Variants in BLTP1 observed in about 807,000 individuals in gnomAD.
BLTP1 encodes the protein fragile site-associated protein.
chr4:122,239,577 G>T, the BLTP1 span: 5 of 1,613,794 alleles, frequency 3.1e-6, no homozygotes, highest in Admixed American at 5.0e-5. Context: ...TAAGTCAGTA[G>T]GTCAATCTCC....
At chr4:122,344,537 GAT>G in the BLTP1 span, 1 of 1,609,474 alleles carries the variant, frequency 6.2e-7, no homozygotes, top group Non-Finnish European at 8.5e-7. Context: ...AAGCAAAATG[GAT>G]ACTACGTTAA....
chr4:122,269,574 C>T, the BLTP1 span: 1 of 985,142 alleles, frequency 1.0e-6, no homozygotes. Context: ...TATTTGGAGA[C>T]CTTCACCGCA....
At chr4:122,239,447 T>G in the BLTP1 span, 131 of 1,232,726 alleles carry the variant, frequency 1.1e-4, no homozygotes, top group Non-Finnish European at 1.3e-4. Context: ...GGATTTTTAT[T>G]GATATTTGTT....
chr4:122,261,366 T>C, the BLTP1 span: 1 of 984,676 alleles, frequency 1.0e-6, no homozygotes, highest in South Asian at 4.7e-5. Flanking sequence ...TCTTTTGCTA[T>C]GGGTTATTAA....
At chr4:122,186,085 T>C in the BLTP1 span, 3 of 1,610,892 alleles carry the variant, frequency 1.9e-6, no homozygotes, top group African/African-American at 1.3e-5. Flanking sequence ...ACTTTGAATT[T>C]CATGTCTATA....
At chr4:122,209,818 G>A in the BLTP1 span, 1 of 1,613,140 alleles carries the variant, frequency 6.2e-7, no homozygotes, top group Non-Finnish European at 8.5e-7. Context: ...CTCTTCAAAG[G>A]TCTGGTTGGG....
chr4:122,238,251 T>C, the BLTP1 span: 1 of 1,614,082 alleles, frequency 6.2e-7, no homozygotes, highest in Non-Finnish European at 8.5e-7. Context: ...GCACAGCCTT[T>C]GTTGGCTGGT....
At chr4:122,347,513 T>C in the BLTP1 span, 4 of 1,600,330 alleles carry the variant, frequency 2.5e-6, no homozygotes, top group Non-Finnish European at 2.6e-6. Context: ...TTTGTTTGTT[T>C]TCTACTAGCA....
chr4:122,235,746 A>G, the BLTP1 span: 2 of 152,260 alleles, frequency 1.3e-5, no homozygotes, highest in African/African-American at 4.8e-5. Context: ...CGGAGCTTGC[A>G]GGGAGAGGAG....
At chr4:122,175,140 G>T in the BLTP1 span, 1 of 983,350 alleles carries the variant, frequency 1.0e-6, no homozygotes, top group African/African-American at 1.7e-5. Flanking sequence ...TGAAAGAAAA[G>T]CCTACTCAAT....
At chr4:122,292,314 AC>A in the BLTP1 span, 2 of 921,468 alleles carry the variant, frequency 2.2e-6, no homozygotes, top group Non-Finnish European at 2.6e-6. Flanking sequence ...ATGAACAGAC[AC>A]AAAGCCATTA....
At chr4:122,160,140 C>T in the BLTP1 span, among the ~76,000 whole-genome samples, 1,035 of 152,266 alleles carry the variant, frequency 6.8e-3, 12 homozygotes, top group African/African-American at 0.024. Flanking sequence ...ATTTGTCGCC[C>T]ATCTCTTTTG....
At chr4:122,185,359 C>G in the BLTP1 span, 687 of 984,794 alleles carry the variant, frequency 7.0e-4, 3 homozygotes, top group African/African-American at 0.011. Context: ...CATTTGGTAA[C>G]AAAAGAAAGC....
chr4:122,222,522 C>T, the BLTP1 span, among the ~76,000 whole-genome samples: 2 of 152,124 alleles, frequency 1.3e-5, no homozygotes, highest in African/African-American at 4.8e-5. Flanking sequence ...TCTCACAGTT[C>T]TGGAGGTTCA....
the BLTP1 span, chr4:122,337,037 CTTTCT>C: frequency 6.3e-7 from 1 of 1,575,142 alleles, no homozygotes; most frequent in South Asian, 1.2e-5. Flanking sequence ...TACTTCATTT[CTTTCT>C]TTTTGTTTTA....
At chr4:122,201,122 T>C in the BLTP1 span, 2 of 1,607,280 alleles carry the variant, frequency 1.2e-6, no homozygotes, top group Non-Finnish European at 1.7e-6. Context: ...AAAACTTCTT[T>C]ACAGGTAATT....
At chr4:122,314,364 T>C in the BLTP1 span, among the ~76,000 whole-genome samples, 1 of 152,240 alleles carries the variant, frequency 6.6e-6, no homozygotes, top group East Asian at 1.9e-4. Flanking sequence ...AGCCATTGAA[T>C]GTTTCTGAAC....
At chr4:122,262,799 TG>T in the BLTP1 span, 1 of 1,612,978 alleles carries the variant, frequency 6.2e-7, no homozygotes, top group Non-Finnish European at 8.5e-7. Flanking sequence ...GCTATACCAG[TG>T]GAGACACTGC....
the BLTP1 span, among the ~76,000 whole-genome samples, chr4:122,290,110 G>A: frequency 6.6e-6 from 1 of 152,170 alleles, no homozygotes; most frequent in Admixed American, 6.5e-5. Context: ...TAGCAGCTGT[G>A]TGAGCAGCCA....
Sources: gnomAD v4.1 joint callset for allele counts (sites outside exome capture counted in the v4.1 genomes callset) on GRCh38, gnomAD v4.1.1 for gene constraint, MANE v1.5 for transcripts, NCBI Gene and HGNC (gene_info 2026-07-23, HGNC 2026-07-21) for gene names.